The following TBL1X variants were observed in gnomAD, a reference collection of about 807,000 sequenced individuals.
The protein encoded by TBL1X is transducin beta like 1 X-linked, also known as F-box-like/WD repeat-containing protein TBL1X.
In TBL1X, 10 loss-of-function variants were observed where a neutral mutation model predicts 50.7. The ratio of observed to expected loss-of-function variants is 0.20; its 90% CI spans 0.12 to 0.33. The LOEUF (loss-of-function observed/expected upper bound fraction) is 0.33, where lower values mean the gene tolerates loss of function less well. TBL1X is among the 10% of genes least tolerant of loss of function. The pLI, the probability that TBL1X is intolerant of heterozygous loss-of-function variation, is 1.00. For missense variants in TBL1X, 340 were observed against 504.4 expected, an observed-to-expected ratio of 0.67 and a Z score of 3.12; for synonymous variants, 190 against 214.7, an observed-to-expected ratio of 0.88 and a Z score of 1.01.
At chrX:9,562,922 G>A (rs2082331264) in intron 2 of TBL1X, among the ~76,000 whole-genome samples, 1 of 112,283 alleles carries the variant, frequency 8.9e-6, no homozygotes, top group African/African-American at 3.2e-5. Flanking sequence ...TTTGAAGTGG[G>A]TATACAGAAC....
At chrX:9,714,872 G>A (rs371857839) in intron 16 of TBL1X, 30 bp from the exon 17 acceptor site, 41 of 1,194,921 alleles carry the variant, frequency 3.4e-5, no homozygotes, top group African/African-American at 5.2e-5. Flanking sequence ...CGCCCCTTGC[G>A]TTGTAAGTGA....
chrX:9,571,775 A>G (rs1283163853), intron 2 of TBL1X, among the ~76,000 whole-genome samples: 1 of 111,106 alleles, frequency 9.0e-6, no homozygotes, highest in Non-Finnish European at 1.9e-5. Flanking sequence ...CCACTGTTCT[A>G]CTTTCTGTCT....
At chrX:9,577,245 A>C (rs140259597) in intron 2 of TBL1X, among the ~76,000 whole-genome samples, 3,003 of 111,548 alleles carry the variant, frequency 0.027, 93 homozygotes, top group African/African-American at 0.093. Context: ...GGGCACTTAA[A>C]AGATGTGGCC....
intron 2 of TBL1X, among the ~76,000 whole-genome samples, chrX:9,540,238 G>A (rs1284677292): frequency 4.5e-5 from 5 of 112,353 alleles, no homozygotes; most frequent in Non-Finnish European, 9.4e-5. Flanking sequence ...GGGTTACCAA[G>A]ACAAAGATGC....
chrX:9,524,514 C>T lies in TBL1X; in HGVS notation c.-131+22665C>T, dbSNP rs1326848335. ...TTTGTGACTGGCTTATTTCACTCAG[C>T]GTACTGTCCTCCAGGTTCGTCCACA... On this transcript the variant is annotated intron_variant, in intron 2 of 17. Transcript: ENST00000645353. Among the ~76,000 whole-genome samples, 5 of 111,888 alleles carry T rather than the reference C, an allele frequency of 4.5e-5. No individual in the cohort carries two copies. The South Asian group carries it at 1.5e-3, about 33-fold the overall frequency.
intron 2 of TBL1X, among the ~76,000 whole-genome samples, chrX:9,514,468 T>C (rs2082071932): frequency 8.9e-6 from 1 of 112,093 alleles, no homozygotes; most frequent in African/African-American, 3.2e-5. Context: ...CTTTCTAGGG[T>C]TCATGTGTGT....
At chrX:9,598,120 C>T (rs141521234) in intron 2 of TBL1X, among the ~76,000 whole-genome samples, 1,249 of 111,647 alleles carry the variant, frequency 0.011, 17 homozygotes, top group African/African-American at 0.038. Context: ...GCCAAGGAGA[C>T]AGGCTCAGAA....
chrX:9,594,022 G>A (rs760077045), intron 2 of TBL1X, among the ~76,000 whole-genome samples: 2 of 112,315 alleles, frequency 1.8e-5, no homozygotes, highest in Non-Finnish European at 3.8e-5. Context: ...ACTCTGCCCC[G>A]CTCGGGGTTA....
At position 9,719,300 on chromosome X, in the gene TBL1X, T is replaced by G. The variant is rs1325083635; in HGVS notation, c.*3054T>G. ...TCGCGACACCGTAGGACTTGACTTT[T>G]GTTTAGTCTTTCTAAGAAATAGATC... On this transcript the variant is annotated 3_prime_UTR_variant, in exon 18 of 18. Transcript: ENST00000645353. The G allele has an allele frequency of 1.8e-5, 2 of 112,507 alleles. No individual in the cohort carries two copies. Among genetic ancestry groups the G allele is most frequent in the Non-Finnish European group, 3.8e-5 (2 of 53,232 alleles). The allele number at this position is 112,507 out of a possible 1,213,427, so 9.3% of individuals were successfully genotyped here. A position where few individuals can be genotyped will look rare whatever the true frequency, so the allele number is the denominator to read the frequency against.
At chrX:9,489,612 G>A (rs2081930840) in intron 1 of TBL1X, among the ~76,000 whole-genome samples, 1 of 111,472 alleles carries the variant, frequency 9.0e-6, no homozygotes, top group Non-Finnish European at 1.9e-5. Flanking sequence ...TGTTGTTTGT[G>A]CCTCTCCCAT....
chrX:9,589,455 C>T (rs765303143), intron 2 of TBL1X, among the ~76,000 whole-genome samples: 2 of 109,852 alleles, frequency 1.8e-5, no homozygotes, highest in African/African-American at 6.6e-5. Context: ...TACACAAAAC[C>T]CGGTCTTGAT....
chrX:9,500,980 C>T (rs2081998267), intron 1 of TBL1X, among the ~76,000 whole-genome samples: 1 of 111,758 alleles, frequency 8.9e-6, no homozygotes, highest in Non-Finnish European at 1.9e-5. Context: ...CTCACAACAA[C>T]CAAGACCACC....
At chrX:9,463,705 A>AT (rs1188645360), upstream of TBL1X, among the ~76,000 whole-genome samples, 1 of 111,603 alleles carries the variant, frequency 9.0e-6, no homozygotes, top group Non-Finnish European at 1.9e-5. Flanking sequence ...AGTCTGGCCA[A>AT]TATGGTGAAA....
intron 5 of TBL1X, among the ~76,000 whole-genome samples, chrX:9,663,917 T>C (rs1248333188): frequency 9.0e-6 from 1 of 110,835 alleles, no homozygotes; most frequent in Non-Finnish European, 1.9e-5. Context: ...AGGAAGGTTA[T>C]AGGAGAGTTC....
chrX:9,479,965 T>TGTGTGTGTGTGTGTGTGTGTGTGTGTGTG (rs1313372994), intron 1 of TBL1X, among the ~76,000 whole-genome samples: 7 of 108,610 alleles, frequency 6.4e-5, no homozygotes, highest in African/African-American at 2.4e-4. Flanking sequence ...TGTGTGTGTG[T>TGTGTGTGTGTGTGTGTGTGTGTGTGTGTG]TTGAGATGGA....
At chrX:9,554,908 C>T (rs1487109626) in intron 2 of TBL1X, among the ~76,000 whole-genome samples, 1 of 111,428 alleles carries the variant, frequency 9.0e-6, no homozygotes, top group Non-Finnish European at 1.9e-5. Context: ...GTCACGTCCT[C>T]CCCAGCCCCT....
intron 2 of TBL1X, among the ~76,000 whole-genome samples, chrX:9,516,225 G>T (rs1275398166): frequency 9.0e-6 from 1 of 111,577 alleles, no homozygotes; most frequent in Non-Finnish European, 1.9e-5. Context: ...ATAACAAGCA[G>T]TGAAACCATG....
At chrX:9,677,693 C>T (rs987832312) in intron 5 of TBL1X, among the ~76,000 whole-genome samples, 4 of 111,634 alleles carry the variant, frequency 3.6e-5, no homozygotes, top group Admixed American at 2.9e-4. Context: ...TGGTGTGGCA[C>T]GCCCCAGCAT....
intron 2 of TBL1X, among the ~76,000 whole-genome samples, chrX:9,580,471 G>A (rs1171086409): frequency 8.9e-6 from 1 of 112,037 alleles, no homozygotes; most frequent in African/African-American, 3.3e-5. Context: ...TCCAAAGGAG[G>A]CCATCAGATA....
Sources: gnomAD v4.1 joint callset for allele counts (sites outside exome capture counted in the v4.1 genomes callset) on GRCh38, gnomAD v4.1.1 for gene constraint, MANE v1.5 for transcripts, NCBI Gene and HGNC (gene_info 2026-07-23, HGNC 2026-07-21) for gene names.